MAP2K1: variants seen among roughly 807,000 people sequenced by gnomAD.
MAP2K1 encodes mitogen-activated protein kinase kinase 1.
MAP2K1 carries 16 observed loss-of-function variants against 46.3 expected under a neutral mutation model. That is an observed-to-expected ratio of 0.35 (90% CI 0.23 to 0.52). MAP2K1 has a LOEUF of 0.52. Ranked by LOEUF, MAP2K1 falls within the 20% of genes least tolerant of loss-of-function variation. MAP2K1 has a pLI of 0.94. For missense variants in MAP2K1, 263 were observed against 497.1 expected, an observed-to-expected ratio of 0.53 and a Z score of 4.48; for synonymous variants, 183 against 185.6, an observed-to-expected ratio of 0.99 and a Z score of 0.11.
chr15:66,398,014 A>C (rs2093372284), intron 1 of MAP2K1, among the ~76,000 whole-genome samples: 1 of 152,004 alleles, frequency 6.6e-6, no homozygotes, highest in Admixed American at 6.6e-5. Context: ...AGGTGGGAGA[A>C]TTGCTTAAAT....
chr15:66,414,857 G>C (rs546483554), intron 1 of MAP2K1: 1 of 261,730 alleles, frequency 3.8e-6, no homozygotes, highest in East Asian at 1.4e-4. Context: ...ATTCAGCAAC[G>C]ATCGAGACTG....
chr15:66,462,876 T>C (rs1435612494), intron 5 of MAP2K1, among the ~76,000 whole-genome samples: 1 of 152,154 alleles, frequency 6.6e-6, no homozygotes, highest in East Asian at 1.9e-4. Flanking sequence ...CCAGATGTAG[T>C]CAGTGCTCGG....
chr15:66,423,339 T>C (rs556575517), intron 1 of MAP2K1, among the ~76,000 whole-genome samples: 9 of 152,346 alleles, frequency 5.9e-5, no homozygotes, highest in East Asian at 1.9e-4. Flanking sequence ...AGTTCCAACA[T>C]CTGGGTCATC....
At chr15:66,472,312 A>G (rs1892656371) in intron 5 of MAP2K1, among the ~76,000 whole-genome samples, 1 of 151,926 alleles carries the variant, frequency 6.6e-6, no homozygotes, top group South Asian at 2.1e-4. Flanking sequence ...TCAAAAAAAA[A>G]AAAAAATGCT....
intron 3 of MAP2K1, among the ~76,000 whole-genome samples, chr15:66,442,748 C>T (rs1293253433): frequency 1.3e-5 from 2 of 152,172 alleles, no homozygotes; most frequent in African/African-American, 4.8e-5. Context: ...GGGTTCAGGG[C>T]TCAGTCCCCA....
intron 1 of MAP2K1, among the ~76,000 whole-genome samples, chr15:66,396,995 CTTTTTTTTTTTTTT>C (rs57043037): frequency 7.6e-5 from 3 of 39,246 alleles, no homozygotes; most frequent in Non-Finnish European, 1.4e-4. Context: ...TGTAACGCTT[CTTTTTTTTTTTTTT>C]TTTTTTTTTT....
intron 1 of MAP2K1, among the ~76,000 whole-genome samples, chr15:66,429,675 CCCCGT>C (rs80159237): frequency 0.012 from 649 of 53,646 alleles, 124 homozygotes; most frequent in Middle Eastern, 0.042. Context: ...CCCCCCCCCC[CCCCGT>C]CCCCCCCAAC....
At chr15:66,396,066 G>T (rs2093366789) in intron 1 of MAP2K1, among the ~76,000 whole-genome samples, 1 of 151,692 alleles carries the variant, frequency 6.6e-6, no homozygotes, top group Non-Finnish European at 1.5e-5. Flanking sequence ...GAGTGCAGTG[G>T]CGCGATCTCG....
rs1186494628 is a variant in MAP2K1, at chr15:66,411,837, C to T, written c.81-23190C>T. 2.6e-5 allele frequency among the ~76,000 whole-genome samples: 4 copies of T among 152,110 alleles called. No homozygotes were observed. In the East Asian group the frequency reaches 5.8e-4, roughly 22 times the overall value. On this transcript the variant is annotated intron_variant, in intron 1 of 10. Coordinates refer to ENST00000307102, the MANE Select transcript of MAP2K1 (RefSeq NM_002755.4). ...ATTTATCCATTTTAAAACACATTCCCACCCATTCTCTGTCCAGGTGCTCAT... is the reference window on the plus strand; with the variant it reads ...ATTTATCCATTTTAAAACACATTCCTACCCATTCTCTGTCCAGGTGCTCAT...
chr15:66,478,278 T>C (rs1567023580), intron 5 of MAP2K1, among the ~76,000 whole-genome samples: 1 of 123,506 alleles, frequency 8.1e-6, no homozygotes, highest in Non-Finnish European at 1.5e-5. Flanking sequence ...ATATTTAACA[T>C]ATATATATAT....
At chr15:66,457,898 G>T (rs917894139) in intron 5 of MAP2K1, among the ~76,000 whole-genome samples, 2 of 151,822 alleles carry the variant, frequency 1.3e-5, no homozygotes, top group African/African-American at 4.8e-5. Flanking sequence ...AGGAGGCAGA[G>T]GTTTCAGTGA....
intron 1 of MAP2K1, among the ~76,000 whole-genome samples, chr15:66,422,236 T>C (rs77869528): frequency 1.3e-5 from 2 of 152,132 alleles, no homozygotes; most frequent in East Asian, 3.9e-4. Flanking sequence ...CATTCATTTT[T>C]CCCCCATAGG....
chr15:66,490,647 T>C lies in MAP2K1; in HGVS notation c.*32T>C, dbSNP rs1893225395. The stretch of plus-strand genomic sequence containing the variant: ...GGGAAGCAACAAAGAGCGAGTCCCC[T>C]GCCCGGTGGTTTGCCATGTCGCTTT... On this transcript the variant is annotated 3_prime_UTR_variant, in exon 11 of 11. Coordinates refer to ENST00000307102, the MANE Select transcript of MAP2K1 (RefSeq NM_002755.4). 6.4e-7 allele frequency: 1 copy of C among 1,556,474 alleles called. No homozygotes were observed. Among genetic ancestry groups the C allele is most frequent in the African/African-American group, 1.4e-5 (1 of 73,950 alleles).
chr15:66,420,958 C>CAT (rs375983113), intron 1 of MAP2K1, among the ~76,000 whole-genome samples: 4,198 of 97,066 alleles, frequency 0.043, 92 homozygotes, highest in Middle Eastern at 0.12. Flanking sequence ...CATACACATA[C>CAT]ATATATACAC....
At chr15:66,490,174 G>A in intron 10 of MAP2K1, 1 of 518,752 alleles carries the variant, frequency 1.9e-6, no homozygotes, top group South Asian at 2.0e-5. Flanking sequence ...GCCATAGACG[G>A]TGTATATAGT....
intron 1 of MAP2K1, among the ~76,000 whole-genome samples, chr15:66,394,759 T>C (rs1295048415): frequency 6.6e-6 from 1 of 152,144 alleles, no homozygotes; most frequent in Non-Finnish European, 1.5e-5. Flanking sequence ...GCCTGATAAG[T>C]AGGAGCTTTT....
intron 1 of MAP2K1, among the ~76,000 whole-genome samples, chr15:66,402,906 T>C (rs2093385788): frequency 6.6e-6 from 1 of 152,246 alleles, no homozygotes; most frequent in African/African-American, 2.4e-5. Context: ...CAGGGAACAC[T>C]ATTAAGTGTA....
chr15:66,429,680 T>TCC (rs1567007438), intron 1 of MAP2K1, among the ~76,000 whole-genome samples: 1 of 31,920 alleles, frequency 3.1e-5, no homozygotes, highest in African/African-American at 9.2e-5. Flanking sequence ...CCCCCCCCCG[T>TCC]CCCCCCCAAC....
chr15:66,452,742 A>G (rs1892067001), intron 5 of MAP2K1, among the ~76,000 whole-genome samples: 1 of 152,204 alleles, frequency 6.6e-6, no homozygotes, highest in African/African-American at 2.4e-5. Context: ...GCAACTGGCA[A>G]AGTGTTTTGC....
Sources: allele counts gnomAD v4.1 joint callset (sites outside exome capture counted in the v4.1 genomes callset), GRCh38; gene constraint gnomAD v4.1.1; transcripts MANE v1.5; gene names NCBI Gene and HGNC (gene_info 2026-07-23, HGNC 2026-07-21).